The following ZNF385B variants were observed in gnomAD, a reference collection of about 807,000 sequenced individuals.
ZNF385B encodes the protein zinc finger protein 533.
In ZNF385B, 23 loss-of-function variants were observed where a neutral mutation model predicts 39.2. That is an observed-to-expected ratio of 0.59 (90% confidence interval 0.42 to 0.83). The LOEUF is 0.83. ZNF385B is among the 40% of genes least tolerant of loss of function. ZNF385B has a pLI of 0.00. For synonymous variants in ZNF385B, 205 were observed against 222.6 expected (o/e 0.92, Z 0.70); for missense variants, 552 against 598.9 (o/e 0.92, Z 0.82).
chr2:179,847,333 C>T (rs569838100), intron 1 of ZNF385B, among the ~76,000 whole-genome samples: 2 of 152,212 alleles, frequency 1.3e-5, no homozygotes, highest in African/African-American at 4.8e-5. Flanking sequence ...TCTCAAGACA[C>T]CTAATTATTG....
chr2:179,808,575 C>T (rs558311011), intron 1 of ZNF385B, among the ~76,000 whole-genome samples: 143 of 152,228 alleles, frequency 9.4e-4, no homozygotes, highest in Non-Finnish European at 1.7e-3. Context: ...ATACTTGTCT[C>T]TATATTTCAA....
In ZNF385B at chr2:179,442,664, A is replaced by C. The variant is rs1256420218; in HGVS notation, c.*586T>G. ...AGACAAGAGATACAGATCTAGTACT[A>C]CACAGGATACAGCAGTACTTGGGTC... On this transcript the variant is annotated 3_prime_UTR_variant, in exon 10 of 10. Transcript: ENST00000410066. The C allele has an allele frequency of 6.3e-6, 1 of 159,680 alleles. No homozygotes were observed. Among genetic ancestry groups the C allele is most frequent in the East Asian group, 1.9e-4 (1 of 5,288 alleles). 9.9% of individuals were successfully genotyped at this position (159,680 alleles called of 1,614,324 possible).
chr2:179,447,250 A>C (rs2049590544), intron 6 of ZNF385B, among the ~76,000 whole-genome samples: 2 of 152,222 alleles, frequency 1.3e-5, no homozygotes, highest in African/African-American at 4.8e-5. Flanking sequence ...GGATTGTGGG[A>C]TAGAAGAAAC....
intron 3 of ZNF385B, among the ~76,000 whole-genome samples, chr2:179,717,489 TTGGGATGCCAAGG>T (rs1359357154): frequency 1.3e-5 from 2 of 152,202 alleles, no homozygotes; most frequent in African/African-American, 4.8e-5. Context: ...TCCTAACATT[TTGGGATGCCAAGG>T]TGGGAGGATT....
Position 179,442,735 on chromosome 2 carries a change from A to C in ZNF385B, c.*515T>G, listed in dbSNP as rs2049075925. ...TCAACAACAGTACACCAAAAAGAGA[A>C]CTTTGTGATCCGTTGGTAAGATAGT... On this transcript the variant is annotated 3_prime_UTR_variant, in exon 10 of 10. Transcript: ENST00000410066. The C allele has an allele frequency of 5.1e-6, 1 of 196,738 alleles. No individual in the cohort carries two copies. Among genetic ancestry groups the C allele is most frequent in the Non-Finnish European group, 1.1e-5 (1 of 94,902 alleles). 12.2% of individuals were successfully genotyped at this position (196,738 alleles called of 1,614,324 possible). A position where few individuals can be genotyped will look rare whatever the true frequency, so the allele number is the denominator to read the frequency against.
chr2:179,840,501 C>T (rs957938505), intron 1 of ZNF385B, among the ~76,000 whole-genome samples: 2 of 152,144 alleles, frequency 1.3e-5, no homozygotes, highest in Non-Finnish European at 2.9e-5. Flanking sequence ...TGAATGAAAG[C>T]TAGGAGACCA....
chr2:179,486,867 G>C (rs551327531), intron 5 of ZNF385B, among the ~76,000 whole-genome samples: 1 of 152,242 alleles, frequency 6.6e-6, no homozygotes, highest in African/African-American at 2.4e-5. Flanking sequence ...AGTGAGCCCT[G>C]ATTGTGCCAC....
intron 3 of ZNF385B, among the ~76,000 whole-genome samples, chr2:179,578,281 T>C (rs1020042856): frequency 4.6e-5 from 7 of 152,090 alleles, no homozygotes; most frequent in Non-Finnish European, 1.0e-4. Context: ...TAAGAGGTAG[T>C]TGGGAAAAGA....
chr2:179,730,027 C>G (rs1208704536), intron 3 of ZNF385B, among the ~76,000 whole-genome samples: 2 of 152,168 alleles, frequency 1.3e-5, no homozygotes, highest in Non-Finnish European at 2.9e-5. Flanking sequence ...CAGAAACAGA[C>G]TAATACACCA....
At chr2:179,537,324 A>AT (rs1287905472) in intron 4 of ZNF385B, among the ~76,000 whole-genome samples, 1 of 150,540 alleles carries the variant, frequency 6.6e-6, no homozygotes, top group African/African-American at 2.5e-5. Flanking sequence ...AAATAAATAA[A>AT]AAAAAAATAA....
chr2:179,522,624 G>A (rs372384882), intron 4 of ZNF385B, among the ~76,000 whole-genome samples: 13 of 152,122 alleles, frequency 8.5e-5, no homozygotes, highest in African/African-American at 2.9e-4. Flanking sequence ...AGATTCATTT[G>A]GCATTTTATA....
intron 3 of ZNF385B, among the ~76,000 whole-genome samples, chr2:179,733,794 A>AAC (rs1701559432): frequency 1.3e-5 from 2 of 151,754 alleles, no homozygotes; most frequent in African/African-American, 2.4e-5. Context: ...AAAAAAAAAA[A>AAC]AAAAAAAAGT....
At chr2:179,742,681 T>C (rs927859046) in intron 3 of ZNF385B, among the ~76,000 whole-genome samples, 3 of 152,024 alleles carry the variant, frequency 2.0e-5, no homozygotes, top group African/African-American at 7.2e-5. Context: ...AGTATACTCA[T>C]CTTAGCAACA....
intron 3 of ZNF385B, among the ~76,000 whole-genome samples, chr2:179,568,351 T>A (rs1166116126): frequency 6.6e-6 from 1 of 152,230 alleles, no homozygotes; most frequent in Non-Finnish European, 1.5e-5. Flanking sequence ...GTTTACTTGT[T>A]CATTATCTCC....
chr2:179,693,409 T>C (rs964337255), intron 3 of ZNF385B, among the ~76,000 whole-genome samples: 2 of 152,184 alleles, frequency 1.3e-5, no homozygotes, highest in African/African-American at 4.8e-5. Context: ...AATATATGAA[T>C]AGAGAAATAT....
chr2:179,734,447 T>C (rs371595775), intron 3 of ZNF385B, among the ~76,000 whole-genome samples: 4 of 152,330 alleles, frequency 2.6e-5, no homozygotes, highest in South Asian at 4.1e-4. Context: ...TAGCTCATTG[T>C]GCTACCATAC....
chr2:179,714,853 A>G (rs555462667), intron 3 of ZNF385B, among the ~76,000 whole-genome samples: 20 of 147,864 alleles, frequency 1.4e-4, no homozygotes, highest in African/African-American at 3.7e-4. Context: ...CAGCAGGCTG[A>G]GGCACATTTG....
intron 6 of ZNF385B, among the ~76,000 whole-genome samples, chr2:179,468,988 A>G (rs2052432474): frequency 6.6e-6 from 1 of 152,206 alleles, no homozygotes; most frequent in Non-Finnish European, 1.5e-5. Flanking sequence ...AAAAATTCTA[A>G]TGTATTTAAA....
In ZNF385B at chr2:179,546,212, T is replaced by C. The variant is rs1559451369; in HGVS notation, c.299-1243A>G. On this transcript the variant is annotated intron_variant, in intron 3 of 9. Coordinates refer to ENST00000410066, the MANE Select transcript of ZNF385B (RefSeq NM_152520.6). Reference sequence around the variant, plus strand: ...CACCACACCTGGCTAATTTTTGTATTTTTTGTAGAGATGGGGTTTTTGCCA... The same window carrying C: ...CACCACACCTGGCTAATTTTTGTATCTTTTGTAGAGATGGGGTTTTTGCCA... Among the ~76,000 whole-genome samples, 5 of 152,062 alleles carry C rather than the reference T, an allele frequency of 3.3e-5. No homozygotes were observed. In the East Asian group the frequency reaches 5.8e-4, roughly 18 times the overall value.
Sources: allele counts gnomAD v4.1 joint callset (sites outside exome capture counted in the v4.1 genomes callset), GRCh38; gene constraint gnomAD v4.1.1; transcripts MANE v1.5; gene names NCBI Gene and HGNC (gene_info 2026-07-23, HGNC 2026-07-21).